Variants in XPR1 observed in about 807,000 individuals in gnomAD.
The protein encoded by XPR1 is xenotropic and polytropic retrovirus receptor 1.
A neutral mutation model predicts 87.5 loss-of-function variants in XPR1; 28 were observed. That is an observed-to-expected ratio of 0.32 (90% CI 0.24 to 0.44). The LOEUF (loss-of-function observed/expected upper bound fraction) is 0.44. Ranked by LOEUF, XPR1 falls within the 20% of genes least tolerant of loss-of-function variation. The pLI, the probability that XPR1 is intolerant of heterozygous loss-of-function variation, is 1.00. For missense variants in XPR1, 559 were observed against 862.3 expected, an observed-to-expected ratio of 0.65 and a Z score of 4.41; for synonymous variants, 300 against 306.1, an observed-to-expected ratio of 0.98 and a Z score of 0.21.
intron 3 of XPR1, among the ~76,000 whole-genome samples, chr1:180,794,846 A>G (rs894038999): frequency 6.6e-6 from 1 of 152,210 alleles, no homozygotes; most frequent in African/African-American, 2.4e-5. Flanking sequence ...CTGAAGTTGT[A>G]AGATATTAAG....
At chr1:180,781,077 G>A (rs1648917000) in intron 2 of XPR1, among the ~76,000 whole-genome samples, 1 of 151,540 alleles carries the variant, frequency 6.6e-6, no homozygotes, top group Non-Finnish European at 1.5e-5. Flanking sequence ...TTACATTTAG[G>A]TCTTTGATCA....
At position 180,856,234 on chromosome 1, in the gene XPR1, A is replaced by C. The variant is rs546960388; in HGVS notation, c.1502-7474A>C. Among the ~76,000 whole-genome samples the C allele has an allele frequency of 1.9e-3, 287 of 152,296 alleles. 1 individual carries two copies. Among genetic ancestry groups the C allele is most frequent in the African/African-American group, 6.6e-3 (274 of 41,556 alleles). ...GTAAACAAACATAGAATTAGAATTT[A>C]AATTTTTTAAGAGATAAAGAGAAGC... On this transcript the variant is annotated intron_variant, in intron 11 of 14. Transcript: ENST00000367590.
At chr1:180,671,349 A>G (rs1656161894) in intron 1 of XPR1, among the ~76,000 whole-genome samples, 1 of 152,208 alleles carries the variant, frequency 6.6e-6, no homozygotes, top group South Asian at 2.1e-4. Context: ...GAAATAGTTT[A>G]GATGGATAGG....
chr1:180,656,508 AT>A (rs376280068), intron 1 of XPR1, among the ~76,000 whole-genome samples: 3 of 17,070 alleles, frequency 1.8e-4, no homozygotes, highest in Non-Finnish European at 2.9e-4. Context: ...TATATATAAT[AT>A]TTATATATAA....
chr1:180,689,380 A>G (rs932401806), intron 2 of XPR1, among the ~76,000 whole-genome samples: 43 of 152,178 alleles, frequency 2.8e-4, no homozygotes, highest in African/African-American at 9.6e-4. Context: ...TAAAAGATTT[A>G]AGAATTTTTT....
chr1:180,817,729 T>C (rs1650461826), intron 7 of XPR1, among the ~76,000 whole-genome samples: 2 of 152,186 alleles, frequency 1.3e-5, no homozygotes, highest in African/African-American at 4.8e-5. Flanking sequence ...TATTACATGA[T>C]TCCATTTACA....
chr1:180,813,342 G>A (rs1166869687), intron 7 of XPR1, among the ~76,000 whole-genome samples: 1 of 152,142 alleles, frequency 6.6e-6, no homozygotes, highest in African/African-American at 2.4e-5. Context: ...TCACTTGTCT[G>A]TATTCAAATG....
intron 2 of XPR1, among the ~76,000 whole-genome samples, chr1:180,686,524 C>T (rs182706152): frequency 6.6e-6 from 1 of 152,230 alleles, no homozygotes; most frequent in East Asian, 1.9e-4. Context: ...GAGCTGAGTT[C>T]AATTCCTGGG....
chr1:180,874,532 A>G (rs1652600050), intron 13 of XPR1, among the ~76,000 whole-genome samples: 1 of 152,050 alleles, frequency 6.6e-6, no homozygotes, highest in Admixed American at 6.6e-5. Context: ...TCTGCTAAAA[A>G]TACAAAAATT....
intron 9 of XPR1, among the ~76,000 whole-genome samples, chr1:180,826,090 A>C (rs553584739): frequency 2.0e-5 from 3 of 152,188 alleles, no homozygotes; most frequent in Admixed American, 6.5e-5. Context: ...ATTCTTGTTT[A>C]TAATAAGTTC....
At chr1:180,823,125 CA>C (rs1650698985) in intron 7 of XPR1, among the ~76,000 whole-genome samples, 1 of 152,010 alleles carries the variant, frequency 6.6e-6, no homozygotes, top group Admixed American at 6.5e-5. Context: ...TCTGTAATCC[CA>C]GCCACTCAGG....
At chr1:180,708,507 A>G (rs1657634118) in intron 2 of XPR1, among the ~76,000 whole-genome samples, 1 of 152,190 alleles carries the variant, frequency 6.6e-6, no homozygotes, top group Admixed American at 6.5e-5. Flanking sequence ...AAAAGGCAGG[A>G]CAAATTTTAT....
chr1:180,749,551 A>G (rs1224585797), intron 2 of XPR1, among the ~76,000 whole-genome samples: 1 of 152,016 alleles, frequency 6.6e-6, no homozygotes, highest in Non-Finnish European at 1.5e-5. Context: ...TGAAGTTACA[A>G]AAAAGAGTAT....
intron 1 of XPR1, among the ~76,000 whole-genome samples, chr1:180,650,460 C>T (rs1655258495): frequency 6.6e-6 from 1 of 152,186 alleles, no homozygotes; most frequent in African/African-American, 2.4e-5. Flanking sequence ...CTGTCACTAG[C>T]TAAATTTCTC....
At chr1:180,821,954 T>C (rs1650642205) in intron 7 of XPR1, among the ~76,000 whole-genome samples, 1 of 152,238 alleles carries the variant, frequency 6.6e-6, no homozygotes, top group South Asian at 2.1e-4. Flanking sequence ...TGTGTTATTT[T>C]TGTTTCCTGA....
At chr1:180,702,586 C>T (rs936945479) in intron 2 of XPR1, among the ~76,000 whole-genome samples, 3 of 151,780 alleles carry the variant, frequency 2.0e-5, no homozygotes, top group Non-Finnish European at 4.4e-5. Context: ...TTGAAGCTCT[C>T]GATTGTATCT....
intron 14 of XPR1, among the ~76,000 whole-genome samples, chr1:180,881,876 TAAAC>T (rs960279722): frequency 8.6e-5 from 13 of 151,558 alleles, no homozygotes; most frequent in Non-Finnish European, 1.3e-4. Context: ...AAAAAGAAAA[TAAAC>T]AAAAGAGGTA....
intron 1 of XPR1, among the ~76,000 whole-genome samples, chr1:180,665,657 C>T (rs555927953): frequency 6.6e-6 from 1 of 152,278 alleles, no homozygotes; most frequent in South Asian, 2.1e-4. Flanking sequence ...AATGTGAAGT[C>T]TCACAATTGC....
In XPR1 at chr1:180,884,081, A is replaced by G. The variant is rs1327264511; in HGVS notation, c.*15A>G. On this transcript the variant is annotated 3_prime_UTR_variant, in exon 15 of 15. Coordinates refer to ENST00000367590, the MANE Select transcript of XPR1 (RefSeq NM_004736.4). ...CTAACACTTGAATTTTCTGAAGTCT[A>G]GCTTAACATCTTTGGTTTTCCTACT... The G allele has an allele frequency of 9.9e-6, 16 of 1,613,086 alleles. No homozygotes were observed. The highest frequency in any genetic ancestry group is 3.3e-5 in the Admixed American group (2 of 59,966).
Sources: allele counts gnomAD v4.1 joint callset (sites outside exome capture counted in the v4.1 genomes callset), GRCh38; gene constraint gnomAD v4.1.1; transcripts MANE v1.5; gene names NCBI Gene and HGNC (gene_info 2026-07-23, HGNC 2026-07-21).